SHC3: variants seen among roughly 807,000 people sequenced by gnomAD.
The protein encoded by SHC3 is SHC adaptor protein 3.
A neutral mutation model predicts 60.4 loss-of-function variants in SHC3; 15 were observed. That is an observed-to-expected ratio of 0.25 (90% CI 0.17 to 0.38). The LOEUF (loss-of-function observed/expected upper bound fraction) is 0.38. Among genes scored for constraint, SHC3 ranks in the 10% least tolerant of loss-of-function variants. SHC3 has a pLI of 1.00. For missense variants in SHC3, 677 were observed against 786.1 expected, an observed-to-expected ratio of 0.86 and a Z score of 1.66; for synonymous variants, 294 against 325.9, an observed-to-expected ratio of 0.90 and a Z score of 1.05.
chr9:89,131,709 C>T (rs968512374), intron 1 of SHC3, among the ~76,000 whole-genome samples: 9 of 152,222 alleles, frequency 5.9e-5, no homozygotes, highest in African/African-American at 1.4e-4. Flanking sequence ...AATTCAACAG[C>T]GCTTCATGCC....
chr9:89,042,009 G>C lies in SHC3; in HGVS notation c.1360+17C>G. The stretch of plus-strand genomic sequence containing the variant: ...AACCTCAAAAGAAAAGAAAACCAGA[G>C]ACAAACAGAAACCCACTCATGTCAA... On this transcript the variant is annotated intron_variant, in intron 10 of 11. Coordinates refer to ENST00000375835, the MANE Select transcript of SHC3 (RefSeq NM_016848.6). 1 of 1,613,540 alleles carries C rather than the reference G, an allele frequency of 6.2e-7. No homozygotes were observed. The highest frequency in any genetic ancestry group is 1.1e-5 in the South Asian group (1 of 90,980).
chr9:89,057,890 C>A (rs1164498867), intron 6 of SHC3, among the ~76,000 whole-genome samples: 1 of 152,158 alleles, frequency 6.6e-6, no homozygotes, highest in African/African-American at 2.4e-5. Flanking sequence ...TGAGATTATC[C>A]TGGATTAGGG....
In SHC3 at chr9:89,068,502, T is replaced by G. The variant is rs142526718; in HGVS notation, c.783+2697A>C. On this transcript the variant is annotated intron_variant, in intron 5 of 11. Coordinates refer to ENST00000375835, the MANE Select transcript of SHC3 (RefSeq NM_016848.6). ...TTCATGGTTACAAATCAATTTGGAA[T>G]GTAATCTCATGCACAATATAAAATG... Among the ~76,000 whole-genome samples, 305 of 152,356 alleles carry G rather than the reference T, an allele frequency of 2.0e-3. 3 individuals carry two copies. The highest frequency in any genetic ancestry group is 6.9e-3 in the African/African-American group (286 of 41,590).
rs902599294 is a variant in SHC3, at chr9:89,073,083, T to C, written c.730-1831A>G. The stretch of plus-strand genomic sequence containing the variant: ...TGGAATCTTCCCTCTGGCGCAAAGG[T>C]AGAGGGCTCCTAAGAGAATAATGAG... On this transcript the variant is annotated intron_variant, in intron 4 of 11. Transcript: ENST00000375835. Among the ~76,000 whole-genome samples the C allele has an allele frequency of 6.6e-5, 10 of 152,212 alleles. No individual in the cohort carries two copies. In the South Asian group the frequency reaches 1.2e-3, roughly 19 times the overall value.
Position 89,046,895 on chromosome 9 carries a change from G to T in SHC3, c.1062C>A (p.Gly354=). 1 of 1,610,460 alleles carries T rather than the reference G, an allele frequency of 6.2e-7. No individual in the cohort carries two copies. Among genetic ancestry groups the T allele is most frequent in the East Asian group, 2.2e-5 (1 of 44,758 alleles). ...TGGGTTTCAGTCTAGTATCAAGAAA[G>T]CCCCCTGGAGGAGGCATCTTGCTTG... ...SIPSKMPPPG[G]FLDTRLKPRP... Residue 354 remains glycine (G), a synonymous_variant, in exon 8 of 12, where the codon GGC becomes GGA. Coordinates refer to ENST00000375835, the MANE Select transcript of SHC3 (RefSeq NM_016848.6).
At chr9:89,074,509 A>G (rs1300895206) in intron 4 of SHC3, among the ~76,000 whole-genome samples, 1 of 152,176 alleles carries the variant, frequency 6.6e-6, no homozygotes, top group Non-Finnish European at 1.5e-5. Context: ...AATCTAAAAG[A>G]TAGACATTGT....
chr9:89,048,060 A>T (rs751308164), intron 7 of SHC3, among the ~76,000 whole-genome samples: 4 of 152,156 alleles, frequency 2.6e-5, no homozygotes, highest in Non-Finnish European at 5.9e-5. Flanking sequence ...CCTGAGCAAT[A>T]TGGTGAAACC....
At chr9:89,040,150 C>CCAT (rs1311774789) in intron 10 of SHC3, among the ~76,000 whole-genome samples, 5 of 39,914 alleles carry the variant, frequency 1.3e-4, no homozygotes, top group Non-Finnish European at 2.6e-4. Flanking sequence ...AGCATCACCA[C>CCAT]CATCATCATC....
chr9:89,095,480 A>C (rs1011599828), intron 2 of SHC3, among the ~76,000 whole-genome samples: 2 of 152,110 alleles, frequency 1.3e-5, no homozygotes, highest in African/African-American at 4.8e-5. Context: ...GTTGTTGTCT[A>C]ATGGGGACAG....
At chr9:89,057,590 T>A (rs1372804188) in intron 6 of SHC3, among the ~76,000 whole-genome samples, 2 of 152,000 alleles carry the variant, frequency 1.3e-5, no homozygotes, top group Non-Finnish European at 2.9e-5. Flanking sequence ...TGATTTGGCC[T>A]CCAGGTACAT....
chr9:89,046,345 C>A (rs992693576), intron 8 of SHC3, among the ~76,000 whole-genome samples: 2 of 151,920 alleles, frequency 1.3e-5, no homozygotes, highest in African/African-American at 4.8e-5. Flanking sequence ...AAGGTAGTAA[C>A]GTTAAAAAAT....
chr9:89,084,578 G>T (rs749231787), intron 2 of SHC3, among the ~76,000 whole-genome samples: 2 of 152,134 alleles, frequency 1.3e-5, no homozygotes, highest in Non-Finnish European at 2.9e-5. Context: ...CATGTCACAG[G>T]CATCTTCACT....
intron 5 of SHC3, among the ~76,000 whole-genome samples, chr9:89,070,616 T>C (rs1193310402): frequency 2.2e-4 from 33 of 152,196 alleles, no homozygotes; most frequent in Non-Finnish European, 8.8e-5. Context: ...CCCTTGTTAT[T>C]CCACCTTCTT....
intron 2 of SHC3, chr9:89,109,232 C>A: frequency 1.2e-6 from 1 of 855,636 alleles, no homozygotes; most frequent in Non-Finnish European, 1.4e-6. Flanking sequence ...AAGGTCCATG[C>A]AACCCAGAAA....
At position 89,027,844 on chromosome 9, in the gene SHC3, G is replaced by A. The variant is rs144960324; in HGVS notation, c.1656+10149C>T. Among the ~76,000 whole-genome samples the A allele has an allele frequency of 4.6e-3, 702 of 152,268 alleles. 3 individuals carry two copies. The highest frequency in any genetic ancestry group is 0.016 in the African/African-American group (653 of 41,552). ...GCAGCCTAGAATGCATGGCAGGGGA[G>A]TCTTGCAGTGGAGGAGAGGGACCCT... On this transcript the variant is annotated intron_variant, in intron 11 of 11. Coordinates refer to ENST00000375835, the MANE Select transcript of SHC3 (RefSeq NM_016848.6).
At chr9:89,124,135 A>G (rs1247231320) in intron 1 of SHC3, among the ~76,000 whole-genome samples, 1 of 152,166 alleles carries the variant, frequency 6.6e-6, no homozygotes, top group Non-Finnish European at 1.5e-5. Flanking sequence ...CAAAACCACA[A>G]TGAGATACCA....
chr9:89,072,827 C>T (rs1825296463), intron 4 of SHC3, among the ~76,000 whole-genome samples: 1 of 152,190 alleles, frequency 6.6e-6, no homozygotes, highest in Non-Finnish European at 1.5e-5. Flanking sequence ...TATAATCATA[C>T]ATCCCAGGGA....
chr9:89,055,509 G>A (rs1270753207), intron 6 of SHC3, among the ~76,000 whole-genome samples: 2 of 152,196 alleles, frequency 1.3e-5, no homozygotes, highest in African/African-American at 4.8e-5. Context: ...ACCTCTCTAA[G>A]GCAGCCATCC....
intron 7 of SHC3, among the ~76,000 whole-genome samples, chr9:89,048,016 C>T (rs11791638): frequency 0.27 from 41,223 of 151,926 alleles, 7,154 homozygotes; most frequent in African/African-American, 0.49. Flanking sequence ...GAGGCCAAGG[C>T]GGGCAGATCA....
Sources: allele counts gnomAD v4.1 joint callset (sites outside exome capture counted in the v4.1 genomes callset), GRCh38; gene constraint gnomAD v4.1.1; transcripts MANE v1.5; gene names NCBI Gene and HGNC (gene_info 2026-07-23, HGNC 2026-07-21).